The following MECOM variants were observed in gnomAD, a reference collection of about 807,000 sequenced individuals.
MECOM encodes MDS1 and EVI1 complex locus.
Under a neutral mutation model 116.3 loss-of-function variants are expected in MECOM, and 13 were observed. The observed-to-expected ratio is 0.11, with a 90% CI of 0.07 to 0.18. MECOM has a LOEUF of 0.18. MECOM is among the 10% of genes least tolerant of loss of function. MECOM has a pLI of 1.00. For missense variants in MECOM, 1,299 were observed against 1,509.0 expected, an observed-to-expected ratio of 0.86 and a Z score of 2.31; for synonymous variants, 528 against 535.2, an observed-to-expected ratio of 0.99 and a Z score of 0.19.
intron 2 of MECOM, among the ~76,000 whole-genome samples, chr3:169,376,173 G>A (rs549125828): frequency 3.9e-5 from 6 of 152,080 alleles, no homozygotes; most frequent in South Asian, 2.1e-4. Context: ...TTGATGGAAC[G>A]TATCTCAAAA....
chr3:169,434,536 T>A (rs1486665279), intron 1 of MECOM, among the ~76,000 whole-genome samples: 1 of 152,078 alleles, frequency 6.6e-6, no homozygotes, highest in Non-Finnish European at 1.5e-5. Flanking sequence ...TGAATTTTGG[T>A]CATTAGAAGA....
intron 1 of MECOM, among the ~76,000 whole-genome samples, chr3:169,402,731 T>G (rs1371373041): frequency 1.3e-5 from 2 of 152,118 alleles, no homozygotes; most frequent in African/African-American, 4.8e-5. Context: ...GAATGTTGAT[T>G]CCCTAACAAA....
rs537930123 is a variant in MECOM at position 169,215,006 on chromosome 3, C to A, written c.376-71174G>T. Among the ~76,000 whole-genome samples the A allele has an allele frequency of 3.5e-4, 52 of 150,062 alleles. No individual in the cohort carries two copies. In the South Asian group the frequency reaches 4.2e-3, roughly 12 times the overall value. On this transcript the variant is annotated intron_variant, in intron 2 of 16. Coordinates refer to ENST00000651503, the MANE Select transcript of MECOM (RefSeq NM_004991.4). ...TTTAGAAAACTAAAAGCCTAAAAGC[C>A]CAGGCTTTTCTTATAGGGCTTTGAA...
At chr3:169,561,131 T>C (rs1266920557) in intron 1 of MECOM, among the ~76,000 whole-genome samples, 2 of 151,840 alleles carry the variant, frequency 1.3e-5, no homozygotes, top group African/African-American at 2.4e-5. Flanking sequence ...TTCCATGTCA[T>C]AATATTAACA....
intron 2 of MECOM, among the ~76,000 whole-genome samples, chr3:169,353,236 T>G (rs1726689415): frequency 6.6e-6 from 1 of 151,860 alleles, no homozygotes; most frequent in Admixed American, 6.6e-5. Flanking sequence ...CATAGGATAA[T>G]GAGTCGGGAA....
chr3:169,423,964 T>C (rs924320742), intron 1 of MECOM, among the ~76,000 whole-genome samples: 4 of 152,076 alleles, frequency 2.6e-5, no homozygotes, highest in African/African-American at 7.2e-5. Context: ...TGCCCTGACA[T>C]AGTGGATGAT....
chr3:169,145,900 A>G (rs1326538542), intron 2 of MECOM: 6 of 215,488 alleles, frequency 2.8e-5, no homozygotes, highest in Admixed American at 5.8e-5. Context: ...CAAAGATTTC[A>G]CCATCATATT....
At chr3:169,568,274 C>CA (rs1763480382) in intron 1 of MECOM, among the ~76,000 whole-genome samples, 1 of 152,164 alleles carries the variant, frequency 6.6e-6, no homozygotes, top group South Asian at 2.1e-4. Flanking sequence ...CTCTGAGTTT[C>CA]AAGCACAAAA....
intron 1 of MECOM, among the ~76,000 whole-genome samples, chr3:169,469,763 C>A (rs1748900900): frequency 6.6e-6 from 1 of 152,130 alleles, no homozygotes; most frequent in South Asian, 2.1e-4. Context: ...ATTTTTCACA[C>A]TTAGAAGAAT....
intron 9 of MECOM, 67 bp from the exon 10 acceptor site, chr3:169,108,019 C>A (rs975819868): frequency 7.4e-7 from 1 of 1,353,984 alleles, no homozygotes; most frequent in Admixed American, 1.8e-5. Flanking sequence ...GCAATCTATC[C>A]TTTGAGAAAT....
chr3:169,412,300 G>A, intron 1 of MECOM, among the ~76,000 whole-genome samples: 1 of 145,648 alleles, frequency 6.9e-6, no homozygotes, highest in East Asian at 2.0e-4. Context: ...AAAAAAAAAA[G>A]GAATAAATAA....
chr3:169,292,969 A>T (rs895120163), intron 2 of MECOM, among the ~76,000 whole-genome samples: 10 of 152,148 alleles, frequency 6.6e-5, no homozygotes, highest in Non-Finnish European at 1.0e-4. Flanking sequence ...GACCTAAAAA[A>T]GGACCCAATG....
intron 2 of MECOM, among the ~76,000 whole-genome samples, chr3:169,183,000 G>C (rs1746170772): frequency 6.6e-6 from 1 of 152,134 alleles, no homozygotes; most frequent in African/African-American, 2.4e-5. Flanking sequence ...AACTTCTTAG[G>C]TACGAGGCTT....
intron 1 of MECOM, among the ~76,000 whole-genome samples, chr3:169,651,883 C>T (rs1339959196): frequency 4.6e-5 from 7 of 151,962 alleles, no homozygotes; most frequent in Non-Finnish European, 8.8e-5. Context: ...GGAAGCTACA[C>T]TAAAGGATGA....
At chr3:169,514,780 G>T (rs936309779) in intron 1 of MECOM, among the ~76,000 whole-genome samples, 19 of 152,030 alleles carry the variant, frequency 1.2e-4, no homozygotes, top group Admixed American at 1.1e-3. Flanking sequence ...TGGGTTCAAG[G>T]GTCCAAATAT....
intron 2 of MECOM, among the ~76,000 whole-genome samples, chr3:169,207,527 T>A (rs1750100863): frequency 6.6e-6 from 1 of 152,196 alleles, no homozygotes; most frequent in African/African-American, 2.4e-5. Context: ...GCTTTCAGAA[T>A]CCTGGTGGTA....
At chr3:169,245,548 T>C (rs1755474410) in intron 2 of MECOM, among the ~76,000 whole-genome samples, 1 of 152,204 alleles carries the variant, frequency 6.6e-6, no homozygotes, top group Admixed American at 6.5e-5. Context: ...ATAGAACTAA[T>C]AATTTTTTTA....
At position 169,636,825 on chromosome 3, in the gene MECOM, C is replaced by T. The variant is rs143080105; in HGVS notation, c.37+26511G>A. Among the ~76,000 whole-genome samples, 203 of 152,306 alleles carry T rather than the reference C, an allele frequency of 1.3e-3. 7 individuals carry two copies. The East Asian group carries it at 0.033, about 25-fold the overall frequency. The stretch of plus-strand genomic sequence containing the variant: ...CACTCCCACCATGATCTAGAGCAAA[C>T]ACGAACAACCTCTGAATAAAGCAAA... On this transcript the variant is annotated intron_variant, in intron 1 of 16. Transcript: ENST00000651503.
intron 1 of MECOM, among the ~76,000 whole-genome samples, chr3:169,586,238 A>G (rs926402167): frequency 3.3e-5 from 5 of 152,254 alleles, no homozygotes; most frequent in Non-Finnish European, 7.3e-5. Flanking sequence ...ATAGAAGGTT[A>G]TGAATATACT....
Sources: gnomAD v4.1 joint callset for allele counts (sites outside exome capture counted in the v4.1 genomes callset) on GRCh38, gnomAD v4.1.1 for gene constraint, MANE v1.5 for transcripts, NCBI Gene and HGNC (gene_info 2026-07-23, HGNC 2026-07-21) for gene names.